The following KIAA1755 variants were observed in gnomAD, a reference collection of about 807,000 sequenced individuals.
KIAA1755 encodes KIAA1755, also known as uncharacterized protein KIAA1755.
In KIAA1755, 68 loss-of-function variants were observed where a neutral mutation model predicts 91.7. The observed-to-expected ratio is 0.74, with a 90% CI of 0.61 to 0.91. KIAA1755 has a LOEUF of 0.91. Among genes scored for constraint, KIAA1755 ranks in the 40% least tolerant of loss-of-function variants. KIAA1755 has a pLI of 0.00. For missense variants in KIAA1755, 1,535 were observed against 1,494.4 expected (o/e 1.03, Z -0.45); for synonymous variants, 610 against 604.6 (o/e 1.01, Z -0.13).
At position 38,212,164 on chromosome 20, in the gene KIAA1755, A is replaced by G. The variant is rs1600548758; in HGVS notation, c.*878T>C. On this transcript the variant is annotated 3_prime_UTR_variant, in exon 14 of 14. Coordinates refer to ENST00000279024, the MANE Select transcript of KIAA1755 (RefSeq NM_001029864.2). ...CCATGTCTACAAAAAATAAATAAATAATAAGCTGAGCATGGTGGTGCATAA... is the reference window on the plus strand; with the variant it reads ...CCATGTCTACAAAAAATAAATAAATGATAAGCTGAGCATGGTGGTGCATAA... 1.3e-5 allele frequency: 2 copies of G among 152,334 alleles called. No homozygotes were observed. Among genetic ancestry groups the G allele is most frequent in the East Asian group, 3.9e-4 (2 of 5,186 alleles). 9.4% of individuals were successfully genotyped at this position (152,334 alleles called of 1,614,324 possible). A position where few individuals can be genotyped will look rare whatever the true frequency, so the allele number is the denominator to read the frequency against.
At chr20:38,228,988 TC>T (rs2075811459) in intron 5 of KIAA1755, among the ~76,000 whole-genome samples, 1 of 152,196 alleles carries the variant, frequency 6.6e-6, no homozygotes, top group South Asian at 2.1e-4. Context: ...AAATACAGAT[TC>T]CTCACCCTAC....
Position 38,245,937 on chromosome 20 carries a change from C to A in KIAA1755, c.193G>T (p.Ala65Ser). The A allele has an allele frequency of 6.2e-7, 1 of 1,614,124 alleles. No individual in the cohort carries two copies. Among genetic ancestry groups the A allele is most frequent in the Non-Finnish European group, 8.5e-7 (1 of 1,179,996 alleles). Residue 65 changes from alanine to serine, a missense_variant, in exon 2 of 14, where the codon GCA becomes TCA. Ala to Ser is a moderately conservative substitution (Grantham distance 99, BLOSUM62 1). Transcript: ENST00000279024. Reference sequence around the variant, plus strand: ...TTTCCCTCTTGACTTACACAGGCTGCTTCTCGCACTTGCTCACACAGGCGC... The same window carrying A: ...TTTCCCTCTTGACTTACACAGGCTGATTCTCGCACTTGCTCACACAGGCGC... ...AKRLCEQVREAACAPYSHCLF... is the reference protein window; with the variant it reads ...AKRLCEQVRESACAPYSHCLF...
chr20:38,244,870 G>A (rs1270395624), intron 2 of KIAA1755, among the ~76,000 whole-genome samples: 1 of 152,114 alleles, frequency 6.6e-6, no homozygotes, highest in East Asian at 1.9e-4. Context: ...TGGGACTACA[G>A]GCATGTGCCA....
In KIAA1755 at chr20:38,219,655, C is replaced by T. The variant is rs758537253; in HGVS notation, c.2531G>A (p.Gly844Asp). 3.1e-6 allele frequency: 5 copies of T among 1,614,082 alleles called. No homozygotes were observed. The East Asian group carries it at 1.1e-4, about 36-fold the overall frequency. Residue 844 changes from glycine to aspartate, a missense_variant, in exon 11 of 14, where the codon GGC becomes GAC. By Grantham distance (94) the Gly-to-Asp change is moderately conservative. Coordinates refer to ENST00000279024, the MANE Select transcript of KIAA1755 (RefSeq NM_001029864.2). ...LGKLELRVRL[G>D]RLEAAIHQVS... ...CTGGTGAATGGCAGCTTCCAGGCGG[C>T]CCAGGCGGACACGGAGCTCCAGCTT... is the stretch of plus-strand genomic sequence containing the variant.
At chr20:38,228,937 CTT>C (rs1433770121) in intron 5 of KIAA1755, among the ~76,000 whole-genome samples, 1 of 152,196 alleles carries the variant, frequency 6.6e-6, no homozygotes, top group Non-Finnish European at 1.5e-5. Flanking sequence ...CAGTGACTAT[CTT>C]AGGATTTTCC....
At chr20:38,224,319 G>A (rs1275352632) in intron 8 of KIAA1755, among the ~76,000 whole-genome samples, 3 of 152,210 alleles carry the variant, frequency 2.0e-5, no homozygotes, top group Non-Finnish European at 4.4e-5. Context: ...TCAAAAACCA[G>A]TGGATTCATT....
In KIAA1755 at chr20:38,213,455, G is replaced by A. The variant is rs369673329; in HGVS notation, c.3190C>T (p.His1064Tyr). 37 of 1,603,878 alleles carry A rather than the reference G, an allele frequency of 2.3e-5. No individual in the cohort carries two copies. Among genetic ancestry groups the A allele is most frequent in the Non-Finnish European group, 3.0e-5 (35 of 1,175,322 alleles). ...CCTCTTCGTTCTGGGCGCGCTGAGTGAGCAGCTGGAGCCTCTGGGCAAGAG... is the reference window on the plus strand; with the variant it reads ...CCTCTTCGTTCTGGGCGCGCTGAGTAAGCAGCTGGAGCCTCTGGGCAAGAG... ...HSSCPEAPAA[H>Y]SARPERRGVA... The change falls in exon 14 of 14, where the codon CAC (histidine) becomes TAC (tyrosine). Residue 1064 changes from histidine (H) to tyrosine (Y), a missense_variant. Transcript: ENST00000279024.
chr20:38,260,209 T>G, intron 1 of KIAA1755: 64 of 1,456,002 alleles, frequency 4.4e-5, no homozygotes, highest in African/African-American at 5.7e-5. Context: ...GCCTCAGGGC[T>G]GAGATTCAGG....
At chr20:38,252,720 A>G (rs1002097762) in intron 1 of KIAA1755, among the ~76,000 whole-genome samples, 3 of 152,160 alleles carry the variant, frequency 2.0e-5, no homozygotes, top group African/African-American at 7.2e-5. Flanking sequence ...AGCTTTCACA[A>G]ATTGGCTTGG....
At chr20:38,245,896 T>C (rs774911603) in intron 2 of KIAA1755, 33 bp downstream of exon 2, 59 of 1,603,502 alleles carry the variant, frequency 3.7e-5, no homozygotes, top group Non-Finnish European at 5.0e-5. Context: ...CTGGAACAGC[T>C]TGTTCCCTGT....
chr20:38,217,106 T>TGG, intron 13 of KIAA1755, 147 bp downstream of exon 13: 1 of 543,604 alleles, frequency 1.8e-6, no homozygotes, highest in Admixed American at 2.8e-5. Context: ...TGCAAGTGGG[T>TGG]GGGGGGGGGC....
At chr20:38,217,866 A>G in intron 12 of KIAA1755, 1 of 402,408 alleles carries the variant, frequency 2.5e-6, no homozygotes, top group South Asian at 3.5e-5. Flanking sequence ...TGGCCTGAGA[A>G]TTCCTGAGCG....
chr20:38,231,569 G>C (rs1033030732), intron 4 of KIAA1755, among the ~76,000 whole-genome samples: 3 of 152,258 alleles, frequency 2.0e-5, no homozygotes, highest in Admixed American at 2.0e-4. Flanking sequence ...AAGATACGTG[G>C]GCAGGCAAAG....
intron 1 of KIAA1755, among the ~76,000 whole-genome samples, chr20:38,250,487 G>GGTGTGTGTGT (rs370369766): frequency 2.8e-5 from 4 of 142,478 alleles, no homozygotes; most frequent in Admixed American, 1.4e-4. Context: ...TTATTATTAT[G>GGTGTGTGTGT]GTGTGTGTGT....
chr20:38,253,135 G>C (rs2076281523), intron 1 of KIAA1755, among the ~76,000 whole-genome samples: 1 of 152,198 alleles, frequency 6.6e-6, no homozygotes, highest in African/African-American at 2.4e-5. Context: ...AAGAAGGTGA[G>C]ACGAGCCACA....
rs761104024 is a variant in KIAA1755 at position 38,241,011 on chromosome 20, T to C, written c.1120A>G (p.Met374Val). The change falls in exon 3 of 14, where the codon ATG becomes GTG. Residue 374 changes from methionine (M) to valine (V), a missense_variant. Met to Val is a conservative substitution (Grantham distance 21). Coordinates refer to ENST00000279024, the MANE Select transcript of KIAA1755 (RefSeq NM_001029864.2). ...NSERPPQGSY[M>V]NVLEDALDCA... is the part of the protein sequence containing the mutation. The stretch of plus-strand genomic sequence containing the variant: ...TCCAGTGCGTCCTCAAGGACATTCA[T>C]GTAGGAGCCTTGGGGCGGCCTTTCT... 12 of 1,614,190 alleles carry C rather than the reference T, an allele frequency of 7.4e-6. No homozygotes were observed. The highest frequency in any genetic ancestry group is 2.2e-5 in the South Asian group (2 of 91,086).
intron 8 of KIAA1755, among the ~76,000 whole-genome samples, 164 bp from the exon 9 acceptor site, chr20:38,223,800 C>T (rs933260015): frequency 6.6e-6 from 1 of 152,206 alleles, no homozygotes; most frequent in African/African-American, 2.4e-5. Flanking sequence ...CTGGGCTCTG[C>T]TCCTGAGGTT....
At chr20:38,248,549 T>C (rs2076195106) in intron 1 of KIAA1755, among the ~76,000 whole-genome samples, 1 of 152,142 alleles carries the variant, frequency 6.6e-6, no homozygotes, top group Non-Finnish European at 1.5e-5. Context: ...AAGCACTGGC[T>C]TCTTTTCCTC....
chr20:38,215,847 A>G (rs542860869), intron 13 of KIAA1755, among the ~76,000 whole-genome samples: 1 of 152,274 alleles, frequency 6.6e-6, no homozygotes, highest in Admixed American at 6.5e-5. Context: ...GATGTTAATA[A>G]CAATTCTGAA....
Sources: gnomAD v4.1 joint callset for allele counts (sites outside exome capture counted in the v4.1 genomes callset) on GRCh38, gnomAD v4.1.1 for gene constraint, MANE v1.5 for transcripts, NCBI Gene and HGNC (gene_info 2026-07-23, HGNC 2026-07-21) for gene names.